The following SPATA7 variants were observed in gnomAD, a reference collection of about 807,000 sequenced individuals.
SPATA7 encodes spermatogenesis associated 7.
Under a neutral mutation model 51.8 loss-of-function variants are expected in SPATA7, and 43 were observed. The observed-to-expected ratio is 0.83, with a 90% confidence interval of 0.65 to 1.07. The LOEUF (loss-of-function observed/expected upper bound fraction) is 1.07, where lower values mean the gene tolerates loss of function less well. Among genes scored for constraint, SPATA7 ranks in the 50% least tolerant of loss-of-function variants. The probability of loss-of-function intolerance (pLI) is 0.00; values close to 1 mark genes in which losing one functional copy is unlikely to be tolerated. For missense variants in SPATA7, 683 were observed against 701.3 expected (o/e 0.97, Z 0.30); for synonymous variants, 230 against 252.8 (o/e 0.91, Z 0.86).
In SPATA7 at chr14:88,392,027, A is replaced by G. The variant is rs565873871; in HGVS notation, c.94+572A>G. On this transcript the variant is annotated intron_variant, in intron 2 of 11. Transcript: ENST00000393545. ...AATTAAAGCCTTATTTTCCTTATTT[A>G]CAGGAAAAATCTTTGATACTGTTAC... Among the ~76,000 whole-genome samples, 4 of 152,290 alleles carry G rather than the reference A, an allele frequency of 2.6e-5. No homozygotes were observed. In the South Asian group the frequency reaches 8.3e-4, roughly 32 times the overall value.
At chr14:88,468,057 G>A in intron 4 of SPATA7, 1 of 1,525,150 alleles carries the variant, frequency 6.6e-7, no homozygotes, top group Non-Finnish European at 9.0e-7. Flanking sequence ...GTGTCAACGG[G>A]AAAGTATGAG....
chr14:88,448,443 G>C (rs1413765862), intron 3 of SPATA7, among the ~76,000 whole-genome samples: 1 of 152,034 alleles, frequency 6.6e-6, no homozygotes, highest in East Asian at 1.9e-4. Flanking sequence ...TCCTCCCGTA[G>C]CTCGGAGTAA....
chr14:88,446,878 T>A (rs2077217351), intron 3 of SPATA7, among the ~76,000 whole-genome samples: 1 of 152,148 alleles, frequency 6.6e-6, no homozygotes, highest in Non-Finnish European at 1.5e-5. Context: ...TTCTTTTACA[T>A]TTGTTGAGGA....
At chr14:88,399,455 A>G (rs2075996376) in intron 4 of SPATA7, among the ~76,000 whole-genome samples, 1 of 152,234 alleles carries the variant, frequency 6.6e-6, no homozygotes, top group Non-Finnish European at 1.5e-5. Flanking sequence ...ACATATTTTT[A>G]AAGACCAGTT....
chr14:88,409,450 G>A (rs777040986), intron 4 of SPATA7, among the ~76,000 whole-genome samples: 4 of 151,864 alleles, frequency 2.6e-5, no homozygotes, highest in African/African-American at 2.4e-5. Flanking sequence ...CCCCTTTGTC[G>A]TTTTTTATTG....
chr14:88,435,556 A>G (rs1180082393), intron 10 of SPATA7, among the ~76,000 whole-genome samples: 1 of 152,016 alleles, frequency 6.6e-6, no homozygotes, highest in Non-Finnish European at 1.5e-5. Flanking sequence ...CCCATTAACT[A>G]CCCCACTTAA....
At chr14:88,462,313 CAG>C in intron 4 of SPATA7, among the ~76,000 whole-genome samples, 1 of 152,128 alleles carries the variant, frequency 6.6e-6, no homozygotes, top group Admixed American at 6.5e-5. Flanking sequence ...GATGAGCAGA[CAG>C]AAATGAAAAC....
intron 4 of SPATA7, chr14:88,468,211 C>G (rs749573614): frequency 6.2e-7 from 1 of 1,611,026 alleles, no homozygotes; most frequent in Non-Finnish European, 8.5e-7. Flanking sequence ...AGAGTCTGCA[C>G]CAGCATCATT....
chr14:88,404,174 A>G (rs1441893102), intron 4 of SPATA7, among the ~76,000 whole-genome samples: 1 of 152,194 alleles, frequency 6.6e-6, no homozygotes, highest in East Asian at 1.9e-4. Flanking sequence ...AAGAAAAGGC[A>G]TATCTTGTTA....
intron 1 of SPATA7, 134 bp downstream of exon 1, chr14:88,385,971 T>G (rs2075563400): frequency 6.5e-7 from 1 of 1,526,758 alleles, no homozygotes; most frequent in East Asian, 2.5e-5. Context: ...TCGCCAGTGT[T>G]GCCTGGAGCT....
rs2077421939 is a variant in SPATA7, at chr14:88,469,521, T to A, written c.255-326T>A. The A allele has an allele frequency of 6.2e-7, 1 of 1,613,876 alleles. No individual in the cohort carries two copies. Among genetic ancestry groups the A allele is most frequent in the Non-Finnish European group, 8.5e-7 (1 of 1,179,854 alleles). On this transcript the variant is annotated intron_variant, in intron 4 of 4. Coordinates refer to the SPATA7 transcript ENST00000556406. This position sits in a 1 kb window ranked among gnomAD's most constrained non-coding sequence, Gnocchi z 4.3. Reference sequence around the variant, plus strand: ...CACATAAAAATCCCTTGAGGTCTTCTGGACAGCCATGTTCAGGCCAGTCTG... The same window carrying A: ...CACATAAAAATCCCTTGAGGTCTTCAGGACAGCCATGTTCAGGCCAGTCTG...
At chr14:88,416,521 C>G (rs182231428) in intron 4 of SPATA7, 190 bp from the exon 5 acceptor site, 25 of 451,514 alleles carry the variant, frequency 5.5e-5, no homozygotes, top group Non-Finnish European at 8.8e-5. Context: ...TAGTTAATAT[C>G]TAGAGGCACA....
chr14:88,402,007 A>C (rs1416303185), intron 4 of SPATA7, among the ~76,000 whole-genome samples: 2 of 152,170 alleles, frequency 1.3e-5, no homozygotes, highest in Non-Finnish European at 2.9e-5. Context: ...GTACACAAAC[A>C]ACTGTCTGAA....
chr14:88,468,100 G>A (rs770979031), intron 4 of SPATA7: 16 of 1,609,766 alleles, frequency 9.9e-6, no homozygotes, highest in South Asian at 4.4e-5. Flanking sequence ...AGCTGTAAAC[G>A]CTTCACATGA....
At chr14:88,463,063 C>CT (rs1169495699) in intron 4 of SPATA7, among the ~76,000 whole-genome samples, 1 of 151,996 alleles carries the variant, frequency 6.6e-6, no homozygotes, top group African/African-American at 2.4e-5. Flanking sequence ...GCAGACAGAC[C>CT]TTAATTTTAC....
At chr14:88,386,303 G>T (rs1443423350) in intron 1 of SPATA7, among the ~76,000 whole-genome samples, 1 of 152,086 alleles carries the variant, frequency 6.6e-6, no homozygotes, top group Non-Finnish European at 1.5e-5. Flanking sequence ...AGATCCTGGC[G>T]CATTTGAAGT....
chr14:88,420,797 C>G (rs901675909), intron 5 of SPATA7, among the ~76,000 whole-genome samples: 1 of 152,044 alleles, frequency 6.6e-6, no homozygotes, highest in Non-Finnish European at 1.5e-5. Flanking sequence ...ACTTTTAAAA[C>G]CACAACAATA....
At position 88,416,861 on chromosome 14, in the gene SPATA7, AT is replaced by A; in HGVS notation, c.372+23del. ...TTACAAAAGGTAAGATAGTATTTTTATTTTTTAAAAGCAAATGTTTCTAAGG... is the reference window on the plus strand; with the variant it reads ...TTACAAAAGGTAAGATAGTATTTTTATTTTTAAAAGCAAATGTTTCTAAGG... On this transcript the variant is annotated intron_variant, in intron 5 of 11. Coordinates refer to ENST00000393545, the MANE Select transcript of SPATA7 (RefSeq NM_018418.5). The A allele has an allele frequency of 1.3e-6, 2 of 1,569,170 alleles. No individual in the cohort carries two copies. Among genetic ancestry groups the A allele is most frequent in the African/African-American group, 1.4e-5 (1 of 73,540 alleles).
At position 88,396,177 on chromosome 14, in the gene SPATA7, C is replaced by T. The variant is rs373094088; in HGVS notation, c.212C>T (p.Pro71Leu). Residue 71 changes from proline (P) to leucine (L), a missense_variant, in exon 4 of 12, where the codon CCA (proline) becomes CTA (leucine). By Grantham distance (98) the Pro-to-Leu change is moderately conservative. Transcript: ENST00000393545. ...SAKAAVDCSV[P>L]VSVSTSIKYA... ...TCAGCTGCAGTAGACTGCTCGGTTCCAGTAAGCGTGAGTACCAGCATAAAG... is the reference window on the plus strand; with the variant it reads ...TCAGCTGCAGTAGACTGCTCGGTTCTAGTAAGCGTGAGTACCAGCATAAAG... The T allele has an allele frequency of 6.2e-7, 1 of 1,610,502 alleles. No homozygotes were observed. The highest frequency in any genetic ancestry group is 1.3e-5 in the African/African-American group (1 of 74,730).
Sources: allele counts gnomAD v4.1 joint callset (sites outside exome capture counted in the v4.1 genomes callset), GRCh38; gene constraint gnomAD v4.1.1; non-coding constraint Gnocchi (gnomAD v3.1); transcripts MANE v1.5; gene names NCBI Gene and HGNC (gene_info 2026-07-23, HGNC 2026-07-21).